The following MADD variants were observed in gnomAD, a reference collection of about 807,000 sequenced individuals.
MADD encodes the protein MAP kinase activating death domain.
MADD carries 109 observed loss-of-function variants against 176.7 expected under a neutral mutation model. The ratio of observed to expected loss-of-function variants is 0.62; its 90% CI spans 0.53 to 0.72. The LOEUF is 0.72. MADD is among the 30% of genes least tolerant of loss of function. MADD has a pLI of 0.00. For synonymous variants in MADD, 771 were observed against 771.3 expected (o/e 1.00, Z 0.01); for missense variants, 1,914 against 2,045.5 (o/e 0.94, Z 1.24).
At chr11:47,274,799 C>T (rs1309302482) in exon 3 of MADD, 3 of 1,614,112 alleles carry the variant, frequency 1.9e-6, no homozygotes, top group Non-Finnish European at 8.5e-7. Flanking sequence ...TTCTACCGCT[C>T]CTTCCAAAAG....
intron 22 of MADD, among the ~76,000 whole-genome samples, chr11:47,304,111 CTTGACTGT>C (rs1305254433): frequency 6.6e-6 from 1 of 152,120 alleles, no homozygotes; most frequent in Non-Finnish European, 1.5e-5. Flanking sequence ...TGTAGACCTT[CTTGACTGT>C]TTTCCATTCT....
chr11:47,314,684 A>G (rs1043209853), intron 26 of MADD, among the ~76,000 whole-genome samples: 11 of 152,194 alleles, frequency 7.2e-5, no homozygotes, highest in Non-Finnish European at 1.6e-4. Flanking sequence ...TGAAAAGGCT[A>G]TGAAAATCCT....
chr11:47,324,044 C>CT, intron 28 of MADD: 1 of 648,374 alleles, frequency 1.5e-6, no homozygotes, highest in Non-Finnish European at 2.7e-6. Flanking sequence ...TCTAGCATTC[C>CT]TACACATCTG....
At chr11:47,316,533 C>T (rs1159212378) in intron 27 of MADD, among the ~76,000 whole-genome samples, 2 of 151,458 alleles carry the variant, frequency 1.3e-5, no homozygotes, top group Non-Finnish European at 2.9e-5. Context: ...GGATTACAGG[C>T]GCCCACCACC....
At chr11:47,323,479 C>G (rs2094896821) in intron 27 of MADD, among the ~76,000 whole-genome samples, 192 bp from the exon 31 acceptor site, 1 of 152,078 alleles carries the variant, frequency 6.6e-6, no homozygotes, top group Non-Finnish European at 1.5e-5. Flanking sequence ...ATGACTCCAT[C>G]TCTTCCAACA....
At chr11:47,307,263 A>G (rs2083579485) in intron 22 of MADD, among the ~76,000 whole-genome samples, 1 of 152,090 alleles carries the variant, frequency 6.6e-6, no homozygotes, top group African/African-American at 2.4e-5. Flanking sequence ...AGTGTGTTTT[A>G]ATTCCAAATG....
chr11:47,282,834 T>C (rs1016048458), exon 10 of MADD: 4 of 1,614,042 alleles, frequency 2.5e-6, no homozygotes, highest in East Asian at 2.2e-5. Context: ...CCAGCCCTGA[T>C]TGGTGACAAG....
intron 27 of MADD, among the ~76,000 whole-genome samples, chr11:47,322,672 T>C (rs1297749275): frequency 1.3e-5 from 2 of 152,218 alleles, no homozygotes; most frequent in Non-Finnish European, 2.9e-5. Context: ...GTCAAAGATA[T>C]TTGCTTTTTA....
intron 15 of MADD, among the ~76,000 whole-genome samples, chr11:47,286,857 C>A (rs959592789): frequency 6.6e-6 from 1 of 152,184 alleles, no homozygotes; most frequent in African/African-American, 2.4e-5. Context: ...GTTGCCACTG[C>A]ATGAACTTAG....
At chr11:47,290,683 G>T (rs752589629) in exon 19 of MADD, 1 of 1,614,154 alleles carries the variant, frequency 6.2e-7, no homozygotes, top group Non-Finnish European at 8.5e-7. Context: ...GCCTAGCTGG[G>T]CGGGGGGACC....
chr11:47,312,429 A>G (rs907342848), intron 26 of MADD, among the ~76,000 whole-genome samples: 3 of 151,392 alleles, frequency 2.0e-5, no homozygotes, highest in African/African-American at 4.9e-5. Flanking sequence ...TTGTATATAC[A>G]TATATATTTT....
At chr11:47,273,858 C>T in exon 2 of MADD, 1 of 1,474,860 alleles carries the variant, frequency 6.8e-7, no homozygotes, top group Non-Finnish European at 9.5e-7. Flanking sequence ...CCTGGGAATG[C>T]TGACTCCTTG....
chr11:47,276,587 C>T, intron 4 of MADD, 145 bp from the exon 5 acceptor site: 1 of 882,732 alleles, frequency 1.1e-6, no homozygotes, highest in Non-Finnish European at 1.8e-6. Context: ...AGGTGGCAGG[C>T]ATGGTGGGGC....
intron 15 of MADD, among the ~76,000 whole-genome samples, chr11:47,287,782 A>ATTTTTTTTTTTTTTTT (rs57417064): frequency 3.6e-5 from 2 of 55,032 alleles, no homozygotes; most frequent in African/African-American, 1.6e-4. Context: ...AGAAACATGT[A>ATTTTTTTTTTTTTTTT]TTTTTTTTTT....
At chr11:47,291,609 C>T (rs1033987895) in intron 19 of MADD, among the ~76,000 whole-genome samples, 1 of 152,182 alleles carries the variant, frequency 6.6e-6, no homozygotes, top group Admixed American at 6.5e-5. Context: ...AGGGGAGCTA[C>T]ACTTCCCTAG....
At chr11:47,286,434 C>T (rs2060711351) in exon 15 of MADD, 4 of 1,612,438 alleles carry the variant, frequency 2.5e-6, no homozygotes, top group Middle Eastern at 1.6e-4. Flanking sequence ...CCTTGATAGG[C>T]AGCCTCTATC....
intron 22 of MADD, among the ~76,000 whole-genome samples, chr11:47,301,450 C>G (rs939541599): frequency 3.2e-4 from 48 of 152,114 alleles, no homozygotes; most frequent in Non-Finnish European, 4.0e-4. Context: ...TATTTCTGCT[C>G]TGATCTTGAT....
intron 28 of MADD, 36 bp from the exon 32 acceptor site, chr11:47,324,229 C>CCCTCATG: frequency 6.3e-7 from 1 of 1,595,988 alleles, no homozygotes; most frequent in Non-Finnish European, 8.6e-7. Flanking sequence ...CCCTGGACAG[C>CCCTCATG]CCTCATGATG....
rs746342381 is a variant in MADD at position 47,285,005 on chromosome 11, C to A, written c.2222C>A (p.Ser741Tyr). The change falls in exon 13 of 33, where the codon TCC becomes TAC. Residue 741 changes from serine to tyrosine, a missense_variant. Transcript: ENST00000402192. Reference sequence around the variant, plus strand: ...GTAGGCGTCTCCAAGCCCCTCCCTTCCGTGCCTCCCAGCATTGGCAAATCG... The same window carrying A: ...GTAGGCGTCTCCAAGCCCCTCCCTTACGTGCCTCCCAGCATTGGCAAATCG... 13 of 1,614,010 alleles carry A rather than the reference C, an allele frequency of 8.1e-6. No homozygotes were observed. Among genetic ancestry groups the A allele is most frequent in the African/African-American group, 1.3e-5 (1 of 74,906 alleles).
Sources: allele counts gnomAD v4.1 joint callset (sites outside exome capture counted in the v4.1 genomes callset), GRCh38; gene constraint gnomAD v4.1.1; transcripts MANE v1.5; gene names NCBI Gene and HGNC (gene_info 2026-07-23, HGNC 2026-07-21).